The following PANK4 variants were observed in gnomAD, a reference collection of about 807,000 sequenced individuals.
PANK4 encodes the protein 4'-phosphopantetheine phosphatase.
Under a neutral mutation model 87.9 loss-of-function variants are expected in PANK4, and 40 were observed. The ratio of observed to expected loss-of-function variants is 0.46; its 90% CI spans 0.35 to 0.59. The LOEUF (loss-of-function observed/expected upper bound fraction) is 0.59, where lower values mean the gene tolerates loss of function less well. Ranked by LOEUF, PANK4 falls within the 20% of genes least tolerant of loss-of-function variation. The probability of loss-of-function intolerance (pLI) is 0.00; values close to 1 mark genes in which losing one functional copy is unlikely to be tolerated. For synonymous variants in PANK4, 524 were observed against 467.4 expected (o/e 1.12, Z -1.56); for missense variants, 926 against 1,072.3 (o/e 0.86, Z 1.90).
At chr1:2,514,185 G>T in intron 11 of PANK4, 96 bp from the exon 12 acceptor site, 1 of 1,223,622 alleles carries the variant, frequency 8.2e-7, no homozygotes, top group South Asian at 1.2e-5. Flanking sequence ...TCAGGAGCCC[G>T]GCAGTGCAAA....
intron 1 of PANK4, among the ~76,000 whole-genome samples, chr1:2,523,619 G>A (rs960830116): frequency 5.3e-5 from 8 of 152,298 alleles, no homozygotes; most frequent in Non-Finnish European, 1.0e-4. Context: ...TGCAAGATAC[G>A]CATCCTCCCT....
chr1:2,522,894 G>C (rs1231491973), intron 1 of PANK4, among the ~76,000 whole-genome samples: 2 of 137,266 alleles, frequency 1.5e-5, no homozygotes, highest in African/African-American at 2.8e-5. Flanking sequence ...GTGTGCTATA[G>C]TGACTTAACA....
At chr1:2,517,573 G>C (rs1347420267) in intron 9 of PANK4, among the ~76,000 whole-genome samples, 1 of 152,230 alleles carries the variant, frequency 6.6e-6, no homozygotes. Context: ...GCATCCCGTG[G>C]CTGACGCAGG....
chr1:2,514,168 G>A, intron 11 of PANK4, 79 bp from the exon 12 acceptor site: 1 of 1,319,048 alleles, frequency 7.6e-7, no homozygotes, highest in Non-Finnish European at 1.1e-6. Context: ...CTGTGCCACG[G>A]ACGTCCTCAG....
chr1:2,511,042 G>A (rs1643652065), intron 15 of PANK4, among the ~76,000 whole-genome samples: 1 of 152,126 alleles, frequency 6.6e-6, no homozygotes, highest in Non-Finnish European at 1.5e-5. Flanking sequence ...CAGCCTGCAG[G>A]GGCTGAGACT....
intron 9 of PANK4, among the ~76,000 whole-genome samples, chr1:2,516,987 T>C (rs536129034): frequency 1.3e-5 from 2 of 152,310 alleles, no homozygotes; most frequent in East Asian, 3.9e-4. Flanking sequence ...GGGTACCAAA[T>C]AGGTAACAAG....
At chr1:2,522,519 G>A (rs910057145) in intron 1 of PANK4, among the ~76,000 whole-genome samples, 1 of 152,104 alleles carries the variant, frequency 6.6e-6, no homozygotes, top group African/African-American at 2.4e-5. Flanking sequence ...ACCTGAACCA[G>A]ATTTCAGGGA....
chr1:2,511,591 C>G lies in PANK4; in HGVS notation c.1783+37G>C, dbSNP rs564872390. ...AGAGAACGTCCAGGCATGGCCCCAG[C>G]ACAAGGCAAGGCCCCAAGTTACTTG... On this transcript the variant is annotated intron_variant, in intron 14 of 18. Coordinates refer to ENST00000378466, the MANE Select transcript of PANK4 (RefSeq NM_018216.4). 68 of 1,492,604 alleles carry G rather than the reference C, an allele frequency of 4.6e-5. 3 individuals carry two copies. The South Asian group carries it at 7.7e-4, about 17-fold the overall frequency. 92.5% of individuals were successfully genotyped at this position (1,492,604 alleles called of 1,614,324 possible).
Position 2,511,339 on chromosome 1 carries a change from TTTAATC to T in PANK4, c.1826_1831del (p.Arg609_Leu610del). On this transcript the variant is annotated inframe_deletion and splice_region_variant, in exon 15 of 19. Transcript: ENST00000378466. Reference sequence around the variant, plus strand: ...GAGGTGGGAGGCCCCTCCACATACCTTTAATCTCTGAAGCCACTCGCTGTAGGAATC... The same window carrying T: ...GAGGTGGGAGGCCCCTCCACATACCTTCTGAAGCCACTCGCTGTAGGAATC... 6.2e-7 allele frequency: 1 copy of T among 1,607,968 alleles called. No individual in the cohort carries two copies. Among genetic ancestry groups the T allele is most frequent in the Non-Finnish European group, 8.5e-7 (1 of 1,175,578 alleles).
rs1160828590 is a variant in PANK4, at chr1:2,511,356, C to T, written c.1815G>A (p.Glu605=). ...CACATACCTTTAATCTCTGAAGCCA[C>T]TCGCTGTAGGAATCCACGAGCCAGG... ...ERPWLVDSYS[E]WLQRLKGPPH... is the part of the protein sequence containing the mutation. Residue 605 remains glutamate, a synonymous_variant, in exon 15 of 19, where the codon GAG becomes GAA. Coordinates refer to ENST00000378466, the MANE Select transcript of PANK4 (RefSeq NM_018216.4). The T allele has an allele frequency of 3.1e-6, 5 of 1,611,118 alleles. No individual in the cohort carries two copies. In the Admixed American group the frequency reaches 6.7e-5, roughly 21 times the overall value.
rs545470029 is a variant in PANK4 at position 2,508,879 on chromosome 1, C to T, written c.2290G>A (p.Val764Ile). 1.8e-5 allele frequency: 29 copies of T among 1,605,802 alleles called. No homozygotes were observed. The highest frequency in any genetic ancestry group is 8.0e-5 in the African/African-American group (6 of 74,886). The change falls in exon 19 of 19, where the codon GTC becomes ATC. Residue 764 changes from valine to isoleucine, a missense_variant. Physicochemically the swap from Val to Ile is conservative, Grantham distance 29. Coordinates refer to ENST00000378466, the MANE Select transcript of PANK4 (RefSeq NM_018216.4). The surrounding 1 kb of genome is among the most constrained non-coding windows in gnomAD (Gnocchi z 5.1). ...GCTGGGACCTCGTACTTGAAGATGA[C>T]GCTGAAGAGCCGGCCGCCCAGCCGC... is the stretch of plus-strand genomic sequence containing the variant. ...AERLGGRLFS[V>I]IFKYEVPAE
Position 2,520,390 on chromosome 1 carries a change from A to C in PANK4, c.631T>G (p.Trp211Gly). The C allele has an allele frequency of 6.2e-7, 1 of 1,612,762 alleles. No individual in the cohort carries two copies. Among genetic ancestry groups the C allele is most frequent in the Non-Finnish European group, 8.5e-7 (1 of 1,179,910 alleles). Residue 211 changes from tryptophan (W) to glycine (G), a missense_variant, in exon 5 of 19, where the codon TGG becomes GGG. Trp to Gly is a radical substitution (Grantham distance 184). Transcript: ENST00000378466. The surrounding 1 kb of genome is among the most constrained non-coding windows in gnomAD (Gnocchi z 6.2). ...VKVETEDRFE[W>G]VGGSSIGGGT... ...CCTCCAATGGAGCTGCCGCCGACCC[A>C]CTCGAACCTGTCCTCCGTCTCCACC...
rs1291955543 is a variant in PANK4, at chr1:2,521,914, G to A, written c.125-114C>T. ...GAGACTAAAGTCTCTGTAGATGAGG[G>A]GTTTGGGGCTACTGGAACTTAAAAA... On this transcript the variant is annotated intron_variant, in intron 1 of 18. Transcript: ENST00000378466. 1.1e-5 allele frequency: 9 copies of A among 790,948 alleles called. No homozygotes were observed. In the East Asian group the frequency reaches 2.0e-4, roughly 17 times the overall value. 49.0% of individuals were successfully genotyped at this position (790,948 alleles called of 1,614,324 possible).
Position 2,510,506 on chromosome 1 carries a change from G to C in PANK4, c.1938+172C>G. 1.1e-5 allele frequency: 7 copies of C among 629,764 alleles called. No individual in the cohort carries two copies. Among genetic ancestry groups the C allele is most frequent in the Non-Finnish European group, 2.0e-5 (7 of 354,336 alleles). 39.0% of individuals were successfully genotyped at this position (629,764 alleles called of 1,614,324 possible). On this transcript the variant is annotated intron_variant, in intron 16 of 18. Coordinates refer to ENST00000378466, the MANE Select transcript of PANK4 (RefSeq NM_018216.4). This position sits in a 1 kb window ranked among gnomAD's most constrained non-coding sequence, Gnocchi z 4.9. ...TCAGCCTGAGCCCAGGGGGCTCGGA[G>C]CCTCCACCCCAGCAGATGACGGCTC...
At chr1:2,512,182 G>A (rs1643672800) in intron 13 of PANK4, among the ~76,000 whole-genome samples, 1 of 152,176 alleles carries the variant, frequency 6.6e-6, no homozygotes, top group Non-Finnish European at 1.5e-5. Flanking sequence ...CATGGGTCAG[G>A]ACCCTCCTCC....
rs1643621950 is a variant in PANK4 at position 2,509,434 on chromosome 1, T to C, written c.2109-374A>G. Among the ~76,000 whole-genome samples, 1 of 152,158 alleles carries C rather than the reference T, an allele frequency of 6.6e-6. No homozygotes were observed. The highest frequency in any genetic ancestry group is 1.5e-5 in the Non-Finnish European group (1 of 68,026). On this transcript the variant is annotated intron_variant, in intron 18 of 18. Coordinates refer to ENST00000378466, the MANE Select transcript of PANK4 (RefSeq NM_018216.4). The surrounding 1 kb of genome is among the most constrained non-coding windows in gnomAD (Gnocchi z 4.9). ...CCCCAGCACTCAGAACCCGCTCATT[T>C]AAGGGGTTCCTTCCTCCTCTGCAAT...
At position 2,520,262 on chromosome 1, in the gene PANK4, G is replaced by A. The variant is rs1173278827; in HGVS notation, c.699+60C>T. ...TTGCACCGCCCAGCTGCAGGCCTTC[G>A]GGGGAAGGAAGCAGACATCTCCGCA... is the stretch of plus-strand genomic sequence containing the variant. On this transcript the variant is annotated intron_variant, in intron 5 of 18. Transcript: ENST00000378466. The surrounding 1 kb of genome is among the most constrained non-coding windows in gnomAD (Gnocchi z 6.2). The A allele has an allele frequency of 2.9e-5, 43 of 1,494,866 alleles. No individual in the cohort carries two copies. The highest frequency in any genetic ancestry group is 2.0e-4 in the East Asian group (9 of 44,238). 92.6% of individuals were successfully genotyped at this position (1,494,866 alleles called of 1,614,324 possible). A position where few individuals can be genotyped will look rare whatever the true frequency, so the allele number is the denominator to read the frequency against.
At chr1:2,521,843 A>C in intron 1 of PANK4, 43 bp from the exon 2 acceptor site, 10 of 1,481,432 alleles carry the variant, frequency 6.8e-6, no homozygotes, top group Non-Finnish European at 7.6e-6. Context: ...GGACCAGGAC[A>C]CAGCGGGGCC....
chr1:2,516,377 G>A (rs747887825), intron 9 of PANK4, among the ~76,000 whole-genome samples: 2 of 152,212 alleles, frequency 1.3e-5, no homozygotes, highest in Non-Finnish European at 1.5e-5. Context: ...CAGCACAGGC[G>A]CGCTCACGGG....
Sources: gnomAD v4.1 joint callset for allele counts (sites outside exome capture counted in the v4.1 genomes callset) on GRCh38, gnomAD v4.1.1 for gene constraint, Gnocchi (gnomAD v3.1) non-coding constraint, MANE v1.5 for transcripts, NCBI Gene and HGNC (gene_info 2026-07-23, HGNC 2026-07-21) for gene names.